Variants in UPRT observed in about 807,000 individuals in gnomAD.
UPRT encodes the protein uracil phosphoribosyltransferase homolog.
UPRT carries 5 observed loss-of-function variants against 22.6 expected under a neutral mutation model. The observed-to-expected ratio is 0.22, with a 90% CI of 0.12 to 0.47. The LOEUF (loss-of-function observed/expected upper bound fraction) is 0.47, where lower values mean the gene tolerates loss of function less well. Ranked by LOEUF, UPRT falls within the 20% of genes least tolerant of loss-of-function variation. The probability of loss-of-function intolerance (pLI) is 0.99; values close to 1 mark genes in which losing one functional copy is unlikely to be tolerated. For missense variants in UPRT, 181 were observed against 239.9 expected (o/e 0.75, Z 1.62); for synonymous variants, 77 against 87.7 (o/e 0.88, Z 0.68).
intron 1 of UPRT, among the ~76,000 whole-genome samples, chrX:75,290,006 AAGC>A (rs1437447047): frequency 8.9e-6 from 1 of 112,168 alleles, no homozygotes; most frequent in Non-Finnish European, 1.9e-5. Context: ...TCAACAGAGT[AAGC>A]AGACAACCTA....
chrX:75,215,326 CAAATT>C (rs1347419324), intron 4 of UPRT, among the ~76,000 whole-genome samples: 2 of 110,257 alleles, frequency 1.8e-5, no homozygotes, highest in Non-Finnish European at 3.8e-5. Context: ...AAAAAGGAAG[CAAATT>C]AAATCCAAAG....
intron 4 of UPRT, among the ~76,000 whole-genome samples, chrX:75,267,740 C>A (rs898487456): frequency 1.8e-5 from 2 of 111,768 alleles, no homozygotes; most frequent in African/African-American, 6.5e-5. Context: ...ATAGCAGAAT[C>A]TTTGGGACAC....
intron 4 of UPRT, among the ~76,000 whole-genome samples, chrX:75,232,181 C>T (rs990696017): frequency 7.1e-5 from 8 of 112,128 alleles, no homozygotes; most frequent in East Asian, 2.8e-4. Context: ...GGGTGACAGA[C>T]GGCACCTGGA....
chrX:75,235,668 A>G (rs1319986595), intron 4 of UPRT, among the ~76,000 whole-genome samples: 10 of 112,071 alleles, frequency 8.9e-5, no homozygotes, highest in Non-Finnish European at 1.9e-4. Context: ...AATGTAATCC[A>G]GCATATAAAC....
At chrX:75,156,866 G>A in intron 1 of UPRT, 2 of 275,801 alleles carry the variant, frequency 7.3e-6, no homozygotes, top group Admixed American at 8.2e-5. Context: ...CCTTGGGGCA[G>A]TTTTCCTTTG....
intron 4 of UPRT, among the ~76,000 whole-genome samples, chrX:75,193,342 C>T (rs997032256): frequency 8.9e-5 from 10 of 112,137 alleles, no homozygotes; most frequent in Non-Finnish European, 1.3e-4. Context: ...TGCTGTTAGC[C>T]TGATGGCCTT....
At chrX:75,296,476 T>G in intron 3 of UPRT, 65 bp downstream of exon 3, 1 of 968,560 alleles carries the variant, frequency 1.0e-6, no homozygotes, top group Admixed American at 2.2e-5. Flanking sequence ...GGGAAAGATG[T>G]AAGTAAAGCA....
At chrX:75,252,089 G>T (rs773749401) in intron 4 of UPRT, among the ~76,000 whole-genome samples, 34 of 112,132 alleles carry the variant, frequency 3.0e-4, no homozygotes, top group African/African-American at 6.1e-4. Flanking sequence ...TTACATGTTA[G>T]ACCTAAAACC....
chrX:75,255,295 C>A (rs1019739541), intron 4 of UPRT, among the ~76,000 whole-genome samples: 4 of 111,312 alleles, frequency 3.6e-5, no homozygotes, highest in African/African-American at 9.8e-5. Flanking sequence ...CTTTTTCAGA[C>A]AAATAAATGC....
At chrX:75,179,823 G>A (rs991924627) in intron 4 of UPRT, among the ~76,000 whole-genome samples, 4 of 112,625 alleles carry the variant, frequency 3.6e-5, no homozygotes, top group East Asian at 2.8e-4. Flanking sequence ...CGCGGGGCCC[G>A]CCAAGCCCAC....
chrX:75,161,420 T>C (rs191140675), intron 2 of UPRT, among the ~76,000 whole-genome samples: 48 of 113,028 alleles, frequency 4.2e-4, no homozygotes, highest in Admixed American at 3.5e-3. Context: ...TGCAAAGTTT[T>C]AGTTATTTTT....
At chrX:75,293,954 G>A (rs995553095) in intron 2 of UPRT, among the ~76,000 whole-genome samples, 2 of 111,110 alleles carry the variant, frequency 1.8e-5, no homozygotes, top group African/African-American at 3.3e-5. Context: ...CTTCTTTCCT[G>A]TACTAGCCTT....
At chrX:75,296,984 A>G (rs2082728144) in intron 3 of UPRT, among the ~76,000 whole-genome samples, 1 of 111,536 alleles carries the variant, frequency 9.0e-6, no homozygotes, top group Non-Finnish European at 1.9e-5. Context: ...TAGCATCATA[A>G]TTGACACAAA....
Position 75,253,753 on chromosome X carries a change from G to A in UPRT, c.-446-37271G>A, listed in dbSNP as rs1454780504. Among the ~76,000 whole-genome samples the A allele has an allele frequency of 1.2e-4, 13 of 112,083 alleles. No homozygotes were observed. The Admixed American group carries it at 1.2e-3, about 11-fold the overall frequency. On this transcript the variant is annotated intron_variant, in intron 4 of 13. Transcript: ENST00000652605. The stretch of plus-strand genomic sequence containing the variant: ...AATGCAAATACTTTGAGTGCCAAAA[G>A]TGTGAAAATAGAAAAGGGAGATTAT...
chrX:75,231,428 A>C (rs935268446), intron 4 of UPRT, among the ~76,000 whole-genome samples: 6 of 112,635 alleles, frequency 5.3e-5, no homozygotes, highest in African/African-American at 1.9e-4. Context: ...AAATGAACAA[A>C]GCTTCCAAGA....
At chrX:75,259,406 A>G (rs901173129) in intron 4 of UPRT, among the ~76,000 whole-genome samples, 1 of 109,150 alleles carries the variant, frequency 9.2e-6, no homozygotes, top group Admixed American at 1.0e-4. Flanking sequence ...CAGTTTAGAG[A>G]TGAACAGAAA....
At chrX:75,202,807 T>C (rs2082350644) in intron 4 of UPRT, 1 of 111,818 alleles carries the variant, frequency 8.9e-6, no homozygotes. Context: ...ATTCCATATT[T>C]TCATGGAAAG....
intron 4 of UPRT, among the ~76,000 whole-genome samples, chrX:75,244,540 A>G (rs1024756751): frequency 8.9e-6 from 1 of 111,982 alleles, no homozygotes; most frequent in African/African-American, 3.2e-5. Flanking sequence ...CCAAAATAGC[A>G]TGATACTGAT....
rs181298825 is a variant in UPRT at position 75,284,598 on chromosome X, A to C, written c.387-8874A>C. Among the ~76,000 whole-genome samples, 410 of 111,461 alleles carry C rather than the reference A, an allele frequency of 3.7e-3. 3 individuals carry two copies. Among genetic ancestry groups the C allele is most frequent in the African/African-American group, 0.013 (390 of 30,611 alleles). ...ATCCAGCTACCCAGAGAGTCTGTTCAGCTCTGGGCTGGTACTGGGTGTTGT... is the reference window on the plus strand; with the variant it reads ...ATCCAGCTACCCAGAGAGTCTGTTCCGCTCTGGGCTGGTACTGGGTGTTGT... On this transcript the variant is annotated intron_variant, in intron 1 of 6. Transcript: ENST00000373383.
Sources: allele counts gnomAD v4.1 joint callset (sites outside exome capture counted in the v4.1 genomes callset), GRCh38; gene constraint gnomAD v4.1.1; transcripts MANE v1.5; gene names NCBI Gene and HGNC (gene_info 2026-07-23, HGNC 2026-07-21).